Variants in DRC3 observed in about 807,000 individuals in gnomAD.
DRC3 encodes the protein leucine rich repeat containing 48.
A neutral mutation model predicts 57.6 loss-of-function variants in DRC3; 45 were observed. The ratio of observed to expected loss-of-function variants is 0.78; its 90% confidence interval spans 0.62 to 1.00. The LOEUF is 1.00. Among genes scored for constraint, DRC3 ranks in the 50% least tolerant of loss-of-function variants. The probability of loss-of-function intolerance (pLI) is 0.00; values close to 1 mark genes in which losing one functional copy is unlikely to be tolerated. For synonymous variants in DRC3, 257 were observed against 272.3 expected, an observed-to-expected ratio of 0.94 and a Z score of 0.55; for missense variants, 655 against 675.2, an observed-to-expected ratio of 0.97 and a Z score of 0.33.
rs2043362991 is a variant in DRC3 at position 17,994,335 on chromosome 17, GACGAGCTGAAGCACC to G, written c.630_644del (p.Asp210_Gln215delinsGlu). The G allele has an allele frequency of 1.5e-5, 23 of 1,554,180 alleles. No homozygotes were observed. Among genetic ancestry groups the G allele is most frequent in the Non-Finnish European group, 2.0e-5 (23 of 1,148,724 alleles). Reference sequence around the variant, plus strand: ...GGAGGCTAAGCACCAGTACAGCATCGACGAGCTGAAGCACCAGGAGAACCTGATGCAGGCCCAGCT... The same window carrying G: ...GGAGGCTAAGCACCAGTACAGCATCGAGGAGAACCTGATGCAGGCCCAGCT... On this transcript the variant is annotated inframe_deletion, in exon 7 of 14. Coordinates refer to ENST00000399187, the MANE Select transcript of DRC3 (RefSeq NM_031294.4).
At position 17,997,651 on chromosome 17, in the gene DRC3, C is replaced by T. The variant is rs755093680; in HGVS notation, c.999+17C>T. On this transcript the variant is annotated intron_variant, in intron 9 of 13. Coordinates refer to ENST00000399187, the MANE Select transcript of DRC3 (RefSeq NM_031294.4). Reference sequence around the variant, plus strand: ...CACTTGTCGGTAGGCCCCGAGCCTCCTGAGGCCCTCCCTGTCTCCTGCTGT... The same window carrying T: ...CACTTGTCGGTAGGCCCCGAGCCTCTTGAGGCCCTCCCTGTCTCCTGCTGT... 5.7e-6 allele frequency: 9 copies of T among 1,574,464 alleles called. No individual in the cohort carries two copies. Among genetic ancestry groups the T allele is most frequent in the South Asian group, 4.7e-5 (4 of 84,968 alleles).
chr17:17,989,556 C>CAA (rs2043131372), intron 5 of DRC3: 2 of 152,532 alleles, frequency 1.3e-5, no homozygotes, highest in African/African-American at 2.4e-5. Flanking sequence ...CAGGGACTTG[C>CAA]ACGCAGGTGG....
In DRC3 at chr17:17,992,766, T is replaced by G. The variant is rs756467064; in HGVS notation, c.446T>G (p.Ile149Ser). 2.5e-6 allele frequency: 4 copies of G among 1,613,110 alleles called. No homozygotes were observed. Among genetic ancestry groups the G allele is most frequent in the Non-Finnish European group, 2.5e-6 (3 of 1,179,554 alleles). ...GNNRIDNMMN[I>S]IYLRRFKCLR... ...GCCTTTCTCCCTTTTTCTCCCCAGA[T>G]CATCTACCTCCGGCGGTTCAAGTGC... The change falls in exon 6 of 14, where the codon ATC (isoleucine) becomes AGC (serine). Residue 149 changes from isoleucine (I) to serine (S), a missense_variant and splice_region_variant. Coordinates refer to ENST00000399187, the MANE Select transcript of DRC3 (RefSeq NM_031294.4).
chr17:18,006,784 A>G, intron 11 of DRC3: 1 of 511,340 alleles, frequency 2.0e-6, no homozygotes, highest in Non-Finnish European at 3.5e-6. Flanking sequence ...AGAGGCCAGG[A>G]GCCTCCATGC....
intron 2 of DRC3, chr17:17,977,373 G>A (rs2042436171): frequency 3.5e-6 from 2 of 565,310 alleles, no homozygotes. Flanking sequence ...ATGAAACCCT[G>A]TGGACAGGCC....
At position 18,016,703 on chromosome 17, in the gene DRC3, CAT is replaced by C. The variant is rs373611996; in HGVS notation, c.*34_*35del. On this transcript the variant is annotated 3_prime_UTR_variant, in exon 14 of 14. Transcript: ENST00000399187. Reference sequence around the variant, plus strand: ...GTCAGCCACAGGAGCTTCTTCAAAACATAGCACCAGCCCCAGCCAGGAGAAGG... The same window carrying C: ...GTCAGCCACAGGAGCTTCTTCAAAACAGCACCAGCCCCAGCCAGGAGAAGG... The C allele has an allele frequency of 8.4e-6, 12 of 1,425,718 alleles. No individual in the cohort carries two copies. In the African/African-American group the frequency reaches 8.4e-5, roughly 10 times the overall value. 88.3% of individuals were successfully genotyped at this position (1,425,718 alleles called of 1,614,324 possible). A position where few individuals can be genotyped will look rare whatever the true frequency, so the allele number is the denominator to read the frequency against.
At chr17:17,984,907 G>C (rs1287956004) in intron 4 of DRC3, among the ~76,000 whole-genome samples, 2 of 152,264 alleles carry the variant, frequency 1.3e-5, no homozygotes, top group East Asian at 3.9e-4. Context: ...GGGTTATGCT[G>C]CCATTTCACA....
intron 4 of DRC3, among the ~76,000 whole-genome samples, chr17:17,984,708 G>A (rs993076424): frequency 4.6e-5 from 7 of 152,114 alleles, no homozygotes; most frequent in African/African-American, 7.2e-5. Flanking sequence ...AAAGCTGCAC[G>A]ACCAAGAAGT....
chr17:18,014,691 C>T (rs543221630), intron 12 of DRC3, among the ~76,000 whole-genome samples: 5 of 152,246 alleles, frequency 3.3e-5, no homozygotes, highest in African/African-American at 1.2e-4. Context: ...TCCACTATGA[C>T]CCACCTTTTA....
intron 9 of DRC3, among the ~76,000 whole-genome samples, chr17:17,998,510 A>T (rs2043556364): frequency 6.6e-6 from 1 of 152,212 alleles, no homozygotes; most frequent in Non-Finnish European, 1.5e-5. Context: ...TCCTCAAAAA[A>T]CTGTTCACAC....
chr17:18,002,467 C>T (rs1465969476), intron 9 of DRC3, among the ~76,000 whole-genome samples: 1 of 152,210 alleles, frequency 6.6e-6, no homozygotes, highest in African/African-American at 2.4e-5. Context: ...GTTTGGACCC[C>T]AGGTTGCCAT....
intron 3 of DRC3, 77 bp downstream of exon 3, chr17:17,977,835 G>T: frequency 6.9e-7 from 1 of 1,459,376 alleles, no homozygotes; most frequent in Admixed American, 2.5e-5. Context: ...CAAGCCCCAG[G>T]ATTCCATGCA....
intron 4 of DRC3, among the ~76,000 whole-genome samples, chr17:17,984,657 A>C (rs1328512454): frequency 6.6e-6 from 1 of 152,154 alleles, no homozygotes; most frequent in Non-Finnish European, 1.5e-5. Flanking sequence ...CCCAATCTAC[A>C]GAAGAGGAGC....
chr17:18,006,951 T>G, intron 11 of DRC3, 73 bp from the exon 12 acceptor site: 1 of 1,592,680 alleles, frequency 6.3e-7, no homozygotes, highest in Non-Finnish European at 8.6e-7. Flanking sequence ...AAAGTCTGTC[T>G]CCCGCCGTCT....
intron 5 of DRC3, among the ~76,000 whole-genome samples, chr17:17,991,947 C>G (rs1026294490): frequency 1.3e-5 from 2 of 151,980 alleles, no homozygotes; most frequent in Admixed American, 6.6e-5. Context: ...TCGAGACCAG[C>G]CTGGTCAACA....
At chr17:18,002,546 C>G (rs577663875) in intron 9 of DRC3, among the ~76,000 whole-genome samples, 38 of 152,302 alleles carry the variant, frequency 2.5e-4, no homozygotes, top group Admixed American at 1.6e-3. Flanking sequence ...CACTTGCTCA[C>G]TGGGGTTCTG....
chr17:17,987,825 G>T lies in DRC3; in HGVS notation c.278-107G>T, dbSNP rs2043032016. 4.2e-6 allele frequency: 5 copies of T among 1,186,502 alleles called. No individual in the cohort carries two copies. The South Asian group carries it at 7.4e-5, about 18-fold the overall frequency. The allele number at this position is 1,186,502 out of a possible 1,614,324, so 73.5% of individuals were successfully genotyped here. ...AGTGAGTCAAATTCTGGCCCTGGCA[G>T]CTTGGTGCTGGCTCACAGGGCACTC... On this transcript the variant is annotated intron_variant, in intron 4 of 13. Transcript: ENST00000399187.
At chr17:17,976,216 G>C (rs976960411) in intron 2 of DRC3, among the ~76,000 whole-genome samples, 1 of 152,178 alleles carries the variant, frequency 6.6e-6, no homozygotes. Flanking sequence ...GTGGAAAGTG[G>C]GGGAAAATAT....
At chr17:17,997,434 T>C (rs1306255769) in intron 8 of DRC3, 26 bp from the exon 9 acceptor site, 2 of 1,610,832 alleles carry the variant, frequency 1.2e-6, no homozygotes, top group Non-Finnish European at 1.7e-6. Flanking sequence ...CTGAAACAGC[T>C]GTGGGCTTCC....
Sources: allele counts gnomAD v4.1 joint callset (sites outside exome capture counted in the v4.1 genomes callset), GRCh38; gene constraint gnomAD v4.1.1; transcripts MANE v1.5; gene names NCBI Gene and HGNC (gene_info 2026-07-23, HGNC 2026-07-21).